EYS: variants seen among roughly 807,000 people sequenced by gnomAD.
EYS encodes EGF-like photoreceptor maintenance factor.
Under a neutral mutation model 282.1 loss-of-function variants are expected in EYS, and 250 were observed. The observed-to-expected ratio is 0.89, with a 90% CI of 0.80 to 0.98. The LOEUF (loss-of-function observed/expected upper bound fraction) is 0.98. Ranked by LOEUF, EYS falls within the 50% of genes least tolerant of loss-of-function variation. The pLI is 0.00. For missense variants in EYS, 4,016 were observed against 3,709.0 expected (o/e 1.08, Z -2.15); for synonymous variants, 1,355 against 1,282.9 (o/e 1.06, Z -1.20).
chr6:64,554,919 T>C (rs900702679), intron 26 of EYS, among the ~76,000 whole-genome samples: 1 of 151,962 alleles, frequency 6.6e-6, no homozygotes, highest in Non-Finnish European at 1.5e-5. Context: ...TGGACATTAT[T>C]AATGAGAATG....
intron 12 of EYS, among the ~76,000 whole-genome samples, chr6:65,208,072 A>G (rs1766081265): frequency 6.6e-6 from 1 of 151,730 alleles, no homozygotes; most frequent in African/African-American, 2.4e-5. Context: ...AAGTATATAG[A>G]CCACCTGCAG....
At chr6:64,425,420 C>T (rs1212283588) in intron 28 of EYS, among the ~76,000 whole-genome samples, 1 of 151,794 alleles carries the variant, frequency 6.6e-6, no homozygotes, top group African/African-American at 2.4e-5. Context: ...TTTGGGAGGC[C>T]GAGGCGGGAG....
At chr6:63,747,002 C>A (rs990307874) in intron 41 of EYS, among the ~76,000 whole-genome samples, 1 of 152,112 alleles carries the variant, frequency 6.6e-6, no homozygotes, top group Non-Finnish European at 1.5e-5. Flanking sequence ...TCTTGCTTCT[C>A]CTGTTCTTTT....
chr6:64,344,538 G>A (rs912676198), intron 29 of EYS, among the ~76,000 whole-genome samples: 2 of 151,986 alleles, frequency 1.3e-5, no homozygotes, highest in Non-Finnish European at 2.9e-5. Flanking sequence ...CAATATTGAT[G>A]GGATGTATCT....
chr6:64,578,427 A>G (rs895359357), intron 26 of EYS, among the ~76,000 whole-genome samples: 2 of 151,898 alleles, frequency 1.3e-5, no homozygotes, highest in Non-Finnish European at 2.9e-5. Flanking sequence ...CTTCTCCCCT[A>G]TAGCTACACA....
intron 19 of EYS, among the ~76,000 whole-genome samples, chr6:64,832,445 G>T (rs539460522): frequency 6.6e-6 from 1 of 151,808 alleles, no homozygotes; most frequent in Admixed American, 6.6e-5. Flanking sequence ...GGCTAGGAGT[G>T]GGAGAAAATG....
At chr6:63,895,547 CTG>C (rs1483964860) in intron 35 of EYS, among the ~76,000 whole-genome samples, 2 of 152,176 alleles carry the variant, frequency 1.3e-5, no homozygotes, top group Non-Finnish European at 2.9e-5. Context: ...TTTGTGTACT[CTG>C]TGGATAATTT....
chr6:64,168,135 C>T (rs1163325161), intron 31 of EYS, among the ~76,000 whole-genome samples: 1 of 152,136 alleles, frequency 6.6e-6, no homozygotes, highest in Non-Finnish European at 1.5e-5. Context: ...GGTGCGGAGG[C>T]CTGTAGTCCC....
chr6:64,391,368 C>A (rs1222785939), intron 28 of EYS, among the ~76,000 whole-genome samples: 1 of 152,062 alleles, frequency 6.6e-6, no homozygotes, highest in South Asian at 2.1e-4. Flanking sequence ...TTAAGGGCAG[C>A]CAGAGAGAAA....
chr6:64,754,947 T>C (rs1025114180), intron 22 of EYS, among the ~76,000 whole-genome samples: 2 of 152,082 alleles, frequency 1.3e-5, no homozygotes, highest in South Asian at 4.1e-4. Flanking sequence ...GCCAGATCAA[T>C]CAGGCAAGAG....
chr6:64,526,952 C>T (rs4710276), intron 26 of EYS, among the ~76,000 whole-genome samples: 59,569 of 151,414 alleles, frequency 0.39, 12,052 homozygotes, highest in African/African-American at 0.51. Flanking sequence ...GGTTATATTT[C>T]AGACTACCAT....
chr6:65,589,136 C>T (rs916701784), intron 2 of EYS, among the ~76,000 whole-genome samples: 1 of 151,978 alleles, frequency 6.6e-6, no homozygotes, highest in African/African-American at 2.4e-5. Context: ...CTGTGACTTC[C>T]TACCAGGATT....
chr6:63,984,146 G>A (rs1223793521), intron 35 of EYS, among the ~76,000 whole-genome samples: 2 of 151,744 alleles, frequency 1.3e-5, no homozygotes, highest in Admixed American at 1.3e-4. Flanking sequence ...ACCAGGTCTA[G>A]TTACCTAGTT....
chr6:64,355,392 G>A (rs933393982), intron 29 of EYS, among the ~76,000 whole-genome samples: 1 of 151,500 alleles, frequency 6.6e-6, no homozygotes, highest in African/African-American at 2.4e-5. Flanking sequence ...TGAGAATTAA[G>A]ATAACATTAA....
chr6:64,860,702 C>T (rs972261476), intron 19 of EYS, among the ~76,000 whole-genome samples: 12 of 152,146 alleles, frequency 7.9e-5, no homozygotes, highest in Non-Finnish European at 1.5e-4. Context: ...GTTTTTCAGC[C>T]CTGTTTGTGT....
At chr6:64,498,462 AT>A (rs200131435) in intron 26 of EYS, among the ~76,000 whole-genome samples, 6,202 of 146,646 alleles carry the variant, frequency 0.042, 172 homozygotes, top group African/African-American at 0.091. Flanking sequence ...TTATATACTC[AT>A]TTTTTTTTTT....
chr6:64,766,649 AAT>A lies in EYS; in HGVS notation c.3443+46727_3443+46728del, dbSNP rs70999172. On this transcript the variant is annotated intron_variant, in intron 22 of 42. Transcript: ENST00000503581. Reference sequence around the variant, plus strand: ...TCCGTCTCAAAAAAAAAAAAAAAAAAATATATATATATATATATATATATATA... The same window carrying A: ...TCCGTCTCAAAAAAAAAAAAAAAAAAATATATATATATATATATATATATA... Among the ~76,000 whole-genome samples the A allele has an allele frequency of 1.5e-3, 28 of 19,056 alleles. 1 individual carries two copies. The highest frequency in any genetic ancestry group is 3.1e-3 in the African/African-American group (17 of 5,486). 12.5% of individuals were successfully genotyped at this position (19,056 alleles called of 152,430 possible). A position where few individuals can be genotyped will look rare whatever the true frequency, so the allele number is the denominator to read the frequency against.
At chr6:64,595,556 A>T (rs1317414570) in intron 24 of EYS, among the ~76,000 whole-genome samples, 1 of 152,198 alleles carries the variant, frequency 6.6e-6, no homozygotes. Context: ...TCCACCACAA[A>T]ATCTCTTAGA....
chr6:63,957,666 T>G (rs1562116612), intron 35 of EYS, among the ~76,000 whole-genome samples: 1 of 140,802 alleles, frequency 7.1e-6, no homozygotes, highest in South Asian at 2.3e-4. Context: ...CGCCTAAAAG[T>G]TAAAGAAAAA....
Sources: allele counts gnomAD v4.1 joint callset (sites outside exome capture counted in the v4.1 genomes callset), GRCh38; gene constraint gnomAD v4.1.1; transcripts MANE v1.5; gene names NCBI Gene and HGNC (gene_info 2026-07-23, HGNC 2026-07-21).